Variants in AEBP2 observed in about 807,000 individuals in gnomAD.
The protein encoded by AEBP2 is zinc finger protein AEBP2.
AEBP2 carries 10 observed loss-of-function variants against 50.8 expected under a neutral mutation model. That is an observed-to-expected ratio of 0.20 (90% CI 0.12 to 0.33). The LOEUF (loss-of-function observed/expected upper bound fraction) is 0.33. Among genes scored for constraint, AEBP2 ranks in the 10% least tolerant of loss-of-function variants. The pLI is 1.00. For synonymous variants in AEBP2, 296 were observed against 261.3 expected (o/e 1.13, Z -1.28); for missense variants, 570 against 688.0 (o/e 0.83, Z 1.92).
chr12:19,454,783 G>A (rs188170397), intron 1 of AEBP2, among the ~76,000 whole-genome samples: 151 of 152,182 alleles, frequency 9.9e-4, no homozygotes, highest in African/African-American at 3.4e-3. Context: ...GGTGGAGGGG[G>A]GAGAACGACC....
chr12:19,467,985 T>C (rs1023527950), intron 2 of AEBP2, among the ~76,000 whole-genome samples: 23 of 151,974 alleles, frequency 1.5e-4, no homozygotes, highest in African/African-American at 5.6e-4. Context: ...GAGGTCAAGG[T>C]TGCAGTGAGC....
At position 19,519,129 on chromosome 12, in the gene AEBP2, C is replaced by G; in HGVS notation, c.*1012C>G. 1 of 152,494 alleles carries G rather than the reference C, an allele frequency of 6.6e-6. No homozygotes were observed. The highest frequency in any genetic ancestry group is 1.5e-5 in the Non-Finnish European group (1 of 68,228). The allele number at this position is 152,494 out of a possible 1,614,324, so 9.4% of individuals were successfully genotyped here. ...AGCCATATCGATTTTTTTTAACTTA[C>G]AGAAATGGAAATATGTGTAACTTGT... On this transcript the variant is annotated 3_prime_UTR_variant, in exon 8 of 8. Transcript: ENST00000266508.
intron 1 of AEBP2, among the ~76,000 whole-genome samples, chr12:19,407,314 C>CT (rs138915951): frequency 6.0e-5 from 9 of 149,678 alleles, no homozygotes; most frequent in East Asian, 2.0e-4. Flanking sequence ...TTTCTTTTTT[C>CT]TTTTTTTTTT....
intron 3 of AEBP2, among the ~76,000 whole-genome samples, chr12:19,488,017 T>G (rs1326074677): frequency 6.6e-6 from 1 of 152,242 alleles, no homozygotes; most frequent in East Asian, 1.9e-4. Flanking sequence ...CATATGTATA[T>G]TATTATATTA....
At chr12:19,512,583 T>C (rs1949249802) in intron 6 of AEBP2, 118 bp downstream of exon 6, 3 of 728,078 alleles carry the variant, frequency 4.1e-6, no homozygotes, top group Non-Finnish European at 6.5e-6. Context: ...TTACAACGTT[T>C]TGAGGTTGTC....
At position 19,440,131 on chromosome 12, in the gene AEBP2, C is replaced by A; in HGVS notation, c.432C>A (p.Ala144=). The part of the protein sequence containing the change: ...SDETRSLSPG[A]ASSSSGDGDG... ...AGACCCGCTCGTTGAGCCCCGGCGC[C>A]GCCAGCAGCAGCAGCGGGGATGGGG... Residue 144 remains alanine (A), a synonymous_variant, in exon 1 of 8, where the codon GCC becomes GCA. Coordinates refer to ENST00000266508, the MANE Select transcript of AEBP2 (RefSeq NM_153207.5). 2.7e-6 allele frequency: 4 copies of A among 1,503,994 alleles called. No individual in the cohort carries two copies. The highest frequency in any genetic ancestry group is 2.6e-6 in the Non-Finnish European group (3 of 1,132,936). 93.2% of individuals were successfully genotyped at this position (1,503,994 alleles called of 1,614,324 possible). A position where few individuals can be genotyped will look rare whatever the true frequency, so the allele number is the denominator to read the frequency against.
intron 2 of AEBP2, among the ~76,000 whole-genome samples, chr12:19,463,886 G>A (rs374472671): frequency 1.1e-3 from 171 of 152,006 alleles, no homozygotes; most frequent in Admixed American, 2.2e-3. Flanking sequence ...GGCTGGTCTC[G>A]AACTCCTGAA....
In AEBP2 at chr12:19,462,595, A is replaced by C; in HGVS notation, c.757A>C (p.Thr253Pro). Residue 253 changes from threonine to proline, a missense_variant, in exon 2 of 8, where the codon ACT (threonine) becomes CCT (proline). Physicochemically the swap from Thr to Pro is conservative, Grantham distance 38. Coordinates refer to ENST00000266508, the MANE Select transcript of AEBP2 (RefSeq NM_153207.5). ...AATGATGAATGGACAAGGAAGCACT[A>C]CTTCTTCAAGCAAAAATATTGCCTA... Reference protein sequence around the residue: ...PAMMNGQGSTTSSSKNIAYNC... With the variant: ...PAMMNGQGSTPSSSKNIAYNC... The C allele has an allele frequency of 6.2e-7, 1 of 1,613,934 alleles. No homozygotes were observed. Among genetic ancestry groups the C allele is most frequent in the Non-Finnish European group, 8.5e-7 (1 of 1,179,866 alleles).
At position 19,439,569 on chromosome 12, in the gene AEBP2, C is replaced by A; in HGVS notation, c.-131C>A. ...AGCGCGTGTGCAGGCTGACGCAGCT[C>A]GCGGGCCCTCCTCCTGCTCTGCAGC... is the stretch of plus-strand genomic sequence containing the variant. On this transcript the variant is annotated 5_prime_UTR_variant, in exon 1 of 8. Coordinates refer to ENST00000266508, the MANE Select transcript of AEBP2 (RefSeq NM_153207.5). 8.1e-7 allele frequency: 1 copy of A among 1,230,040 alleles called. No homozygotes were observed. The highest frequency in any genetic ancestry group is 1.1e-6 in the Non-Finnish European group (1 of 919,680). The allele number at this position is 1,230,040 out of a possible 1,614,324, so 76.2% of individuals were successfully genotyped here.
intron 1 of AEBP2, among the ~76,000 whole-genome samples, chr12:19,442,576 T>C (rs1947981804): frequency 6.6e-6 from 1 of 152,206 alleles, no homozygotes; most frequent in South Asian, 2.1e-4. Context: ...TACATCTTAT[T>C]TCAGAATAAG....
chr12:19,468,163 T>TGTGTGTG (rs1948513735), intron 2 of AEBP2, among the ~76,000 whole-genome samples: 3 of 151,632 alleles, frequency 2.0e-5, no homozygotes, highest in African/African-American at 2.4e-5. Context: ...TGTGTATGTG[T>TGTGTGTG]TTTTAATGAG....
chr12:19,490,901 GATTATACAACATTGTGAATAC>G (rs1264685238), intron 3 of AEBP2, among the ~76,000 whole-genome samples: 1 of 152,164 alleles, frequency 6.6e-6, no homozygotes, highest in Non-Finnish European at 1.5e-5. Context: ...GCTAGCTGGT[GATTATACAACATTGTGAATAC>G]ACTAAATTCC....
upstream of AEBP2, among the ~76,000 whole-genome samples, chr12:19,436,733 G>A (rs1437523321): frequency 1.3e-5 from 2 of 151,760 alleles, no homozygotes; most frequent in Non-Finnish European, 2.9e-5. Context: ...TGGGACTACA[G>A]GTGCACACCA....
chr12:19,509,024 GC>G, intron 5 of AEBP2: 1 of 565,280 alleles, frequency 1.8e-6, no homozygotes. Context: ...CGTTGGGAAA[GC>G]ACCAAAATCT....
chr12:19,441,605 G>C (rs530673990), intron 1 of AEBP2, among the ~76,000 whole-genome samples: 1 of 152,200 alleles, frequency 6.6e-6, no homozygotes, highest in African/African-American at 2.4e-5. Context: ...AAGTAATACA[G>C]AGTCCTGGAT....
At chr12:19,456,470 T>A in intron 1 of AEBP2, 1 of 1,471,758 alleles carries the variant, frequency 6.8e-7, no homozygotes, top group Non-Finnish European at 9.5e-7. Context: ...TAGGGCCATC[T>A]TCCAGCTTTT....
chr12:19,509,536 A>G (rs867431758), intron 5 of AEBP2, among the ~76,000 whole-genome samples: 1 of 152,140 alleles, frequency 6.6e-6, no homozygotes, highest in Non-Finnish European at 1.5e-5. Context: ...AGCTGAGCTC[A>G]GGAGTTTGAT....
chr12:19,469,858 C>T (rs963517170), intron 2 of AEBP2, among the ~76,000 whole-genome samples: 2 of 152,086 alleles, frequency 1.3e-5, no homozygotes, highest in Non-Finnish European at 2.9e-5. Flanking sequence ...AATAGCCAGA[C>T]CTTAATTCAT....
chr12:19,439,421 G>A (rs1405773428), upstream of AEBP2, among the ~76,000 whole-genome samples: 2 of 150,056 alleles, frequency 1.3e-5, no homozygotes, highest in Admixed American at 6.6e-5. Flanking sequence ...GGCGGGCGCC[G>A]GGCGGGGGCG....
Sources: gnomAD v4.1 joint callset for allele counts (sites outside exome capture counted in the v4.1 genomes callset) on GRCh38, gnomAD v4.1.1 for gene constraint, MANE v1.5 for transcripts, NCBI Gene and HGNC (gene_info 2026-07-23, HGNC 2026-07-21) for gene names.